Variants in IGF1R observed in about 807,000 individuals in gnomAD.
The protein encoded by IGF1R is insulin like growth factor 1 receptor, also known as insulin-like growth factor 1 receptor.
A neutral mutation model predicts 144.6 loss-of-function variants in IGF1R; 44 were observed. That is an observed-to-expected ratio of 0.30 (90% CI 0.24 to 0.39). The LOEUF (loss-of-function observed/expected upper bound fraction) is 0.39, where lower values mean the gene tolerates loss of function less well. Ranked by LOEUF, IGF1R falls within the 10% of genes least tolerant of loss-of-function variation. IGF1R has a pLI of 1.00. For synonymous variants in IGF1R, 795 were observed against 722.8 expected (o/e 1.10, Z -1.60); for missense variants, 1,355 against 1,833.7 (o/e 0.74, Z 4.77).
chr15:98,733,172 T>C (rs1034523537), intron 2 of IGF1R, among the ~76,000 whole-genome samples: 2 of 152,100 alleles, frequency 1.3e-5, no homozygotes, highest in Non-Finnish European at 2.9e-5. Context: ...GTCTGAAGGC[T>C]CCTCCGAGTC....
intron 2 of IGF1R, among the ~76,000 whole-genome samples, chr15:98,879,013 G>A (rs2013229587): frequency 6.6e-6 from 1 of 152,036 alleles, no homozygotes. Context: ...AAAAAAATAG[G>A]GGGGATGTGG....
intron 1 of IGF1R, chr15:98,650,768 G>C (rs1037858780): frequency 2.4e-6 from 1 of 408,462 alleles, no homozygotes; most frequent in Non-Finnish European, 3.3e-6. Context: ...GGTCGGCGTC[G>C]TGTCGCCCTC....
intron 2 of IGF1R, among the ~76,000 whole-genome samples, chr15:98,760,916 CT>C (rs2055280138): frequency 6.6e-6 from 1 of 152,250 alleles, no homozygotes; most frequent in Non-Finnish European, 1.5e-5. Flanking sequence ...GTGTTGTTTG[CT>C]TTTCGATGTC....
At chr15:98,714,540 G>C (rs901389534) in intron 2 of IGF1R, among the ~76,000 whole-genome samples, 3 of 152,080 alleles carry the variant, frequency 2.0e-5, no homozygotes, top group Non-Finnish European at 2.9e-5. Context: ...CAGCACTTTG[G>C]GAGGCTGAGA....
In IGF1R at chr15:98,726,269, A is replaced by AT. The variant is rs762819641; in HGVS notation, c.640+18166dup. On this transcript the variant is annotated intron_variant, in intron 2 of 20. Coordinates refer to ENST00000650285, the MANE Select transcript of IGF1R (RefSeq NM_000875.5). ...CCAAATCCAGACCTGCTTTCCTATG[A>AT]TTTTCCTGCCCATTACTCTCCCATC... Among the ~76,000 whole-genome samples the AT allele has an allele frequency of 3.6e-4, 55 of 152,168 alleles. No individual in the cohort carries two copies. In the South Asian group the frequency reaches 3.9e-3, roughly 11 times the overall value.
chr15:98,850,160 T>C (rs1468907346), intron 2 of IGF1R, among the ~76,000 whole-genome samples: 1 of 152,172 alleles, frequency 6.6e-6, no homozygotes, highest in East Asian at 1.9e-4. Flanking sequence ...TAAGTTAGGG[T>C]GATAGCTCCC....
At chr15:98,882,481 C>T (rs1161797039) in intron 2 of IGF1R, among the ~76,000 whole-genome samples, 4 of 152,206 alleles carry the variant, frequency 2.6e-5, no homozygotes, top group Non-Finnish European at 5.9e-5. Flanking sequence ...CTGTAAATTT[C>T]TCTTCAGATC....
chr15:98,668,355 A>G (rs903238141), intron 1 of IGF1R, among the ~76,000 whole-genome samples: 4 of 152,192 alleles, frequency 2.6e-5, no homozygotes, highest in African/African-American at 9.7e-5. Flanking sequence ...GCCATAGTGA[A>G]GGGATCTCCA....
intron 20 of IGF1R, among the ~76,000 whole-genome samples, chr15:98,951,789 C>G (rs1010027056): frequency 1.3e-5 from 2 of 152,174 alleles, no homozygotes; most frequent in African/African-American, 2.4e-5. Context: ...TCGGCACACT[C>G]TTTCTCTAAA....
chr15:98,946,590 T>G (rs2016562883), intron 19 of IGF1R, among the ~76,000 whole-genome samples: 1 of 152,100 alleles, frequency 6.6e-6, no homozygotes, highest in Non-Finnish European at 1.5e-5. Flanking sequence ...GCAGTGGGAC[T>G]CCGAGGAGGC....
intron 5 of IGF1R, among the ~76,000 whole-genome samples, chr15:98,905,148 G>C (rs965267404): frequency 2.0e-5 from 3 of 152,092 alleles, no homozygotes; most frequent in Non-Finnish European, 4.4e-5. Context: ...CCGTGTACCT[G>C]GGGCTGTCTT....
chr15:98,748,894 C>G (rs1323729525), intron 2 of IGF1R, among the ~76,000 whole-genome samples: 1 of 152,178 alleles, frequency 6.6e-6, no homozygotes, highest in Non-Finnish European at 1.5e-5. Context: ...GAATTAAGAG[C>G]CAGGAGGAGG....
intron 2 of IGF1R, among the ~76,000 whole-genome samples, chr15:98,832,785 A>T (rs45627536): frequency 0.011 from 1,638 of 152,342 alleles, 30 homozygotes; most frequent in African/African-American, 0.037. Context: ...GTGTCTACAT[A>T]AAAATTGATA....
chr15:98,664,219 A>G (rs894289334), intron 1 of IGF1R, among the ~76,000 whole-genome samples: 2 of 152,182 alleles, frequency 1.3e-5, no homozygotes, highest in Non-Finnish European at 2.9e-5. Context: ...ACTAGAAAGC[A>G]GGCCTTCTCC....
chr15:98,679,973 A>T (rs566826920), intron 1 of IGF1R, among the ~76,000 whole-genome samples: 41 of 152,260 alleles, frequency 2.7e-4, no homozygotes, highest in Non-Finnish European at 4.6e-4. Flanking sequence ...AAAAATAGAA[A>T]AAAGCTTATA....
At chr15:98,824,859 C>T (rs1341986261) in intron 2 of IGF1R, among the ~76,000 whole-genome samples, 5 of 149,416 alleles carry the variant, frequency 3.3e-5, no homozygotes, top group Admixed American at 6.7e-5. Flanking sequence ...TTTTTTGAAA[C>T]GGATTCTCGC....
At chr15:98,826,981 C>T (rs2056905488) in intron 2 of IGF1R, among the ~76,000 whole-genome samples, 2 of 152,152 alleles carry the variant, frequency 1.3e-5, no homozygotes, top group African/African-American at 4.8e-5. Flanking sequence ...TTTCATATCC[C>T]ACTAAACACT....
chr15:98,899,719 T>C, intron 5 of IGF1R, 98 bp downstream of exon 5: 1 of 1,259,318 alleles, frequency 7.9e-7, no homozygotes, highest in Non-Finnish European at 1.2e-6. Context: ...CCTGCCTTGT[T>C]AAAGAGAAGA....
intron 5 of IGF1R, among the ~76,000 whole-genome samples, chr15:98,907,276 A>G (rs900669490): frequency 2.0e-5 from 3 of 152,224 alleles, no homozygotes; most frequent in African/African-American, 7.2e-5. Flanking sequence ...AATGAGAATC[A>G]GGCTGAGGAT....
Sources: allele counts gnomAD v4.1 joint callset (sites outside exome capture counted in the v4.1 genomes callset), GRCh38; gene constraint gnomAD v4.1.1; transcripts MANE v1.5; gene names NCBI Gene and HGNC (gene_info 2026-07-23, HGNC 2026-07-21).